The following SEC22C variants were observed in gnomAD, a reference collection of about 807,000 sequenced individuals.
SEC22C encodes vesicle-trafficking protein SEC22c.
In SEC22C, 29 loss-of-function variants were observed where a neutral mutation model predicts 34.7. The ratio of observed to expected loss-of-function variants is 0.84; its 90% CI spans 0.62 to 1.14. The LOEUF is 1.14. Among genes scored for constraint, SEC22C ranks in the 50% most tolerant of loss-of-function variants. SEC22C has a pLI of 0.00. For synonymous variants in SEC22C, 117 were observed against 132.8 expected, an observed-to-expected ratio of 0.88 and a Z score of 0.82; for missense variants, 337 against 369.0, an observed-to-expected ratio of 0.91 and a Z score of 0.71.
At position 42,553,220 on chromosome 3, in the gene SEC22C, A is replaced by T. The variant is rs1399440346; in HGVS notation, c.*28T>A. On this transcript the variant is annotated 3_prime_UTR_variant, in exon 7 of 7. Transcript: ENST00000264454. ...ATAGATTGATCCTCAAAAGAAAATC[A>T]AAGAATCCATTCATCACAGTGTCAT... is the stretch of plus-strand genomic sequence containing the variant. 4 of 1,610,118 alleles carry T rather than the reference A, an allele frequency of 2.5e-6. No individual in the cohort carries two copies. Among genetic ancestry groups the T allele is most frequent in the Non-Finnish European group, 3.4e-6 (4 of 1,178,310 alleles).
rs945923382 is a variant in SEC22C at position 42,549,031 on chromosome 3, G to A, written c.*4217C>T. The A allele has an allele frequency of 2.5e-5, 25 of 984,308 alleles. No homozygotes were observed. Among genetic ancestry groups the A allele is most frequent in the Middle Eastern group, 5.0e-4 (1 of 2,014 alleles). 61.0% of individuals were successfully genotyped at this position (984,308 alleles called of 1,614,324 possible). On this transcript the variant is annotated 3_prime_UTR_variant, in exon 7 of 7. Coordinates refer to ENST00000264454, the MANE Select transcript of SEC22C (RefSeq NM_032970.4). Reference sequence around the variant, plus strand: ...TGATGGGCAGTGATTTGTGCACTGCGACATAGGACTCAGTGAAGAGCCTAG... The same window carrying A: ...TGATGGGCAGTGATTTGTGCACTGCAACATAGGACTCAGTGAAGAGCCTAG...
At chr3:42,587,174 G>A (rs1704640804) in intron 1 of SEC22C, among the ~76,000 whole-genome samples, 1 of 152,116 alleles carries the variant, frequency 6.6e-6, no homozygotes, top group African/African-American at 2.4e-5. Context: ...CCATGTTACA[G>A]CCAATAAAAC....
At chr3:42,568,188 T>A (rs778030017) in intron 2 of SEC22C, among the ~76,000 whole-genome samples, 1 of 152,004 alleles carries the variant, frequency 6.6e-6, no homozygotes, top group Non-Finnish European at 1.5e-5. Context: ...TTTCTTGGCT[T>A]TCTAACTCTC....
At chr3:42,588,471 C>T (rs761421359) in intron 1 of SEC22C, among the ~76,000 whole-genome samples, 15 of 152,252 alleles carry the variant, frequency 9.9e-5, no homozygotes, top group Admixed American at 5.2e-4. Context: ...CCAGTTCCCT[C>T]CATTTCAGAG....
chr3:42,551,486 C>T lies in SEC22C; in HGVS notation c.*1762G>A. ...ACTCCCAAAGTGCTGGGATTACAGG[C>T]ATGTGCCATCACATCCGGCTAATTT... On this transcript the variant is annotated 3_prime_UTR_variant, in exon 7 of 7. Transcript: ENST00000264454. 2.1e-6 allele frequency: 1 copy of T among 487,518 alleles called. No homozygotes were observed. Among genetic ancestry groups the T allele is most frequent in the Non-Finnish European group, 2.7e-6 (1 of 375,072 alleles). 30.2% of individuals were successfully genotyped at this position (487,518 alleles called of 1,614,324 possible). A position where few individuals can be genotyped will look rare whatever the true frequency, so the allele number is the denominator to read the frequency against.
chr3:42,594,696 G>C, intron 1 of SEC22C: 1 of 468,390 alleles, frequency 2.1e-6, no homozygotes, highest in East Asian at 3.4e-5. Flanking sequence ...GTATTCTCAT[G>C]TAAATATTTT....
intron 1 of SEC22C, among the ~76,000 whole-genome samples, chr3:42,573,770 A>G (rs1226975038): frequency 1.3e-5 from 2 of 152,200 alleles, no homozygotes; most frequent in Non-Finnish European, 1.5e-5. Context: ...AGTAAACATT[A>G]AGACAGAACA....
chr3:42,557,056 C>A (rs894972982), intron 5 of SEC22C, among the ~76,000 whole-genome samples: 3 of 152,280 alleles, frequency 2.0e-5, no homozygotes, highest in Non-Finnish European at 2.9e-5. Flanking sequence ...CAAAATACTT[C>A]AAAATTTTAA....
chr3:42,598,691 A>AT (rs1327307884), intron 1 of SEC22C, among the ~76,000 whole-genome samples: 1 of 151,936 alleles, frequency 6.6e-6, no homozygotes, highest in East Asian at 1.9e-4. Context: ...GAGTAGACAA[A>AT]TTTACAGAGA....
upstream of SEC22C, chr3:42,582,341 G>A (rs1052089174): frequency 1.3e-5 from 2 of 152,366 alleles, no homozygotes; most frequent in Admixed American, 6.5e-5. Flanking sequence ...AACGCCCGGG[G>A]CGTATGTTCT....
At chr3:42,571,619 C>T (rs1703635141) in intron 1 of SEC22C, among the ~76,000 whole-genome samples, 1 of 152,180 alleles carries the variant, frequency 6.6e-6, no homozygotes, top group African/African-American at 2.4e-5. Context: ...AATAATAATA[C>T]AAAAAGGAAG....
At position 42,549,710 on chromosome 3, in the gene SEC22C, A is replaced by T. The variant is rs1702154675; in HGVS notation, c.*3538T>A. The T allele has an allele frequency of 3.0e-6, 3 of 985,408 alleles. No individual in the cohort carries two copies. The highest frequency in any genetic ancestry group is 3.6e-6 in the Non-Finnish European group (3 of 829,952). The allele number at this position is 985,408 out of a possible 1,614,324, so 61.0% of individuals were successfully genotyped here. ...ATCCCTCCAGAGACTCCAGTTTCAG[A>T]CTCTGTCTCCAGAGCTGGAATGTAT... is the stretch of plus-strand genomic sequence containing the variant. On this transcript the variant is annotated 3_prime_UTR_variant, in exon 7 of 7. Transcript: ENST00000264454.
At position 42,563,547 on chromosome 3, in the gene SEC22C, T is replaced by C. The variant is rs907013582; in HGVS notation, c.322A>G (p.Arg108Gly). Residue 108 changes from arginine to glycine, a missense_variant, in exon 3 of 7, where the codon AGG becomes GGG. Physicochemically the swap from Arg to Gly is moderately radical, Grantham distance 125 (BLOSUM62 -2). Transcript: ENST00000264454. Reference protein sequence around the residue: ...YDTTCIGLASRPYAFLEFDSI... With the variant: ...YDTTCIGLASGPYAFLEFDSI... ...CCAAACTCAAGAAAAGCGTATGGCCTGGAGGCTAGGCCAATGCAGGTAGTG... is the reference window on the plus strand; with the variant it reads ...CCAAACTCAAGAAAAGCGTATGGCCCGGAGGCTAGGCCAATGCAGGTAGTG... 5.0e-6 allele frequency: 8 copies of C among 1,614,014 alleles called. No homozygotes were observed. Among genetic ancestry groups the C allele is most frequent in the Middle Eastern group, 1.7e-4 (1 of 6,058 alleles).
chr3:42,551,165 A>T lies in SEC22C; in HGVS notation c.*2083T>A, dbSNP rs1702238259. The T allele has an allele frequency of 3.0e-6, 3 of 985,262 alleles. No individual in the cohort carries two copies. In the African/African-American group the frequency reaches 5.2e-5, roughly 17 times the overall value. The allele number at this position is 985,262 out of a possible 1,614,324, so 61.0% of individuals were successfully genotyped here. A position where few individuals can be genotyped will look rare whatever the true frequency, so the allele number is the denominator to read the frequency against. On this transcript the variant is annotated 3_prime_UTR_variant, in exon 7 of 7. Coordinates refer to ENST00000264454, the MANE Select transcript of SEC22C (RefSeq NM_032970.4). ...CTTTTAAAGCTTTTTTGTTCTTCTCATTTAAAACATTTTACCTCCCCTCCT... is the reference window on the plus strand; with the variant it reads ...CTTTTAAAGCTTTTTTGTTCTTCTCTTTTAAAACATTTTACCTCCCCTCCT...
chr3:42,597,810 A>C (rs1705073122), intron 1 of SEC22C, among the ~76,000 whole-genome samples: 1 of 152,264 alleles, frequency 6.6e-6, no homozygotes, highest in Non-Finnish European at 1.5e-5. Context: ...GTAAACCAAA[A>C]GATTGGACAC....
At chr3:42,583,940 T>C (rs983046950), upstream of SEC22C, among the ~76,000 whole-genome samples, 1 of 152,230 alleles carries the variant, frequency 6.6e-6, no homozygotes, top group Non-Finnish European at 1.5e-5. Context: ...GCTTGGGCCT[T>C]GGACTGGGAG....
chr3:42,590,710 C>G, intron 1 of SEC22C: 1 of 660,760 alleles, frequency 1.5e-6, no homozygotes, highest in Non-Finnish European at 2.7e-6. Context: ...GATACGAAAA[C>G]GCCCCCGGCG....
At chr3:42,555,264 G>A (rs1559511043) in intron 6 of SEC22C, among the ~76,000 whole-genome samples, 3 of 151,806 alleles carry the variant, frequency 2.0e-5, no homozygotes, top group South Asian at 2.1e-4. Flanking sequence ...GGAGAATGGC[G>A]TGAACCCGGG....
At chr3:42,585,607 G>A (rs1704584538), upstream of SEC22C, among the ~76,000 whole-genome samples, 1 of 152,002 alleles carries the variant, frequency 6.6e-6, no homozygotes, top group African/African-American at 2.4e-5. Flanking sequence ...GAGAGTTCAG[G>A]GTTTATCACC....
Sources: gnomAD v4.1 joint callset for allele counts (sites outside exome capture counted in the v4.1 genomes callset) on GRCh38, gnomAD v4.1.1 for gene constraint, MANE v1.5 for transcripts, NCBI Gene and HGNC (gene_info 2026-07-23, HGNC 2026-07-21) for gene names.